MBOAT2: variants seen among roughly 807,000 people sequenced by gnomAD.
The protein encoded by MBOAT2 is membrane bound glycerophospholipid O-acyltransferase 2, also known as membrane-bound glycerophospholipid O-acyltransferase 2.
MBOAT2 carries 28 observed loss-of-function variants against 63.4 expected under a neutral mutation model. That is an observed-to-expected ratio of 0.44 (90% CI 0.33 to 0.61). The LOEUF is 0.61. Ranked by LOEUF, MBOAT2 falls within the 20% of genes least tolerant of loss-of-function variation. The probability of loss-of-function intolerance (pLI) is 0.03; values close to 1 mark genes in which losing one functional copy is unlikely to be tolerated. For synonymous variants in MBOAT2, 211 were observed against 215.6 expected, an observed-to-expected ratio of 0.98 and a Z score of 0.19; for missense variants, 470 against 605.8, an observed-to-expected ratio of 0.78 and a Z score of 2.35.
intron 2 of MBOAT2, among the ~76,000 whole-genome samples, chr2:8,947,826 G>A (rs1172020762): frequency 6.6e-6 from 1 of 152,228 alleles, no homozygotes; most frequent in Non-Finnish European, 1.5e-5. Context: ...GGAGATTAAT[G>A]TTGTTTCCAC....
At chr2:8,936,113 C>G (rs1667642953) in intron 3 of MBOAT2, among the ~76,000 whole-genome samples, 1 of 152,116 alleles carries the variant, frequency 6.6e-6, no homozygotes, top group South Asian at 2.1e-4. Flanking sequence ...TTTGGTACAC[C>G]CTTCTTTTGT....
intron 2 of MBOAT2, among the ~76,000 whole-genome samples, chr2:8,956,734 A>C (rs992812193): frequency 1.3e-5 from 2 of 152,178 alleles, no homozygotes; most frequent in Non-Finnish European, 2.9e-5. Context: ...GTTATCACAT[A>C]TAATTTGAAG....
At chr2:8,979,103 T>C (rs1311388424) in intron 1 of MBOAT2, among the ~76,000 whole-genome samples, 1 of 152,200 alleles carries the variant, frequency 6.6e-6, no homozygotes, top group Non-Finnish European at 1.5e-5. Flanking sequence ...CTCATTATCA[T>C]CAGATTTCCA....
intron 1 of MBOAT2, among the ~76,000 whole-genome samples, chr2:8,974,726 T>G (rs576532185): frequency 2.0e-5 from 3 of 152,168 alleles, no homozygotes; most frequent in Admixed American, 6.5e-5. Context: ...GATGATTTTT[T>G]AAAATAATAC....
rs1172692452 is a variant in MBOAT2, at chr2:8,868,373, C to A, written c.987+73G>T. On this transcript the variant is annotated intron_variant, in intron 9 of 12. Transcript: ENST00000305997. ...ACCTTCAATACCACTCCTAGGACAT[C>A]ACACCATAACTTATGAAAGCAAACT... The A allele has an allele frequency of 6.3e-6, 8 of 1,264,000 alleles. No homozygotes were observed. In the African/African-American group the frequency reaches 1.0e-4, roughly 17 times the overall value. 78.3% of individuals were successfully genotyped at this position (1,264,000 alleles called of 1,614,324 possible).
At chr2:8,937,816 G>A (rs187545183) in intron 3 of MBOAT2, among the ~76,000 whole-genome samples, 2 of 152,276 alleles carry the variant, frequency 1.3e-5, no homozygotes, top group African/African-American at 2.4e-5. Flanking sequence ...CATACCATGC[G>A]CCAGGCACTC....
chr2:8,883,548 T>C (rs1296631988), intron 5 of MBOAT2, among the ~76,000 whole-genome samples: 4 of 152,218 alleles, frequency 2.6e-5, no homozygotes, highest in Non-Finnish European at 5.9e-5. Context: ...CCTCAGGAAC[T>C]ATTCTATGCA....
chr2:8,937,092 C>G (rs540819361), intron 3 of MBOAT2, among the ~76,000 whole-genome samples: 5 of 152,272 alleles, frequency 3.3e-5, no homozygotes, highest in East Asian at 1.9e-4. Flanking sequence ...TCCCTGGGAA[C>G]AGAGAGAGTA....
At chr2:8,978,198 T>C (rs1190801642) in intron 1 of MBOAT2, among the ~76,000 whole-genome samples, 1 of 152,100 alleles carries the variant, frequency 6.6e-6, no homozygotes, top group Non-Finnish European at 1.5e-5. Flanking sequence ...TCACTGGCTA[T>C]ATTCCAATAT....
intron 3 of MBOAT2, among the ~76,000 whole-genome samples, chr2:8,938,604 T>TGTTTCATGCTGCCAC (rs1667830285): frequency 6.6e-6 from 1 of 151,776 alleles, no homozygotes. Context: ...CATGCCACCG[T>TGTTTCATGCTGCCAC]GTTTCATGCT....
rs200533077 is a variant in MBOAT2 at position 8,904,309 on chromosome 2, A to AT, written c.395+4311dup. Among the ~76,000 whole-genome samples, 13 of 137,188 alleles carry AT rather than the reference A, an allele frequency of 9.5e-5. No individual in the cohort carries two copies. In the East Asian group the frequency reaches 2.2e-3, roughly 24 times the overall value. The allele number at this position is 137,188 out of a possible 152,430, so 90.0% of individuals were successfully genotyped here. A position where few individuals can be genotyped will look rare whatever the true frequency, so the allele number is the denominator to read the frequency against. Reference sequence around the variant, plus strand: ...CTTTATAATACTGAAGGTTGTTTTTATTTTTTATTTTTTTTTTTTTGAGAT... The same window carrying AT: ...CTTTATAATACTGAAGGTTGTTTTTATTTTTTTATTTTTTTTTTTTTGAGAT... On this transcript the variant is annotated intron_variant, in intron 4 of 12. Transcript: ENST00000305997.
intron 10 of MBOAT2, among the ~76,000 whole-genome samples, chr2:8,863,047 AT>A (rs1661600917): frequency 1.3e-5 from 2 of 152,152 alleles, no homozygotes. Context: ...ATCCTACATT[AT>A]TTTATTTAAA....
chr2:8,888,114 A>G (rs1663697999), intron 4 of MBOAT2, 41 bp from the exon 5 acceptor site: 1 of 1,546,668 alleles, frequency 6.5e-7, no homozygotes, highest in African/African-American at 1.4e-5. Flanking sequence ...AAAAGAAGAA[A>G]GTTAAAACAA....
In MBOAT2 at chr2:8,858,024, A is replaced by T. The variant is rs138133592; in HGVS notation, c.*655T>A. 334 of 152,674 alleles carry T rather than the reference A, an allele frequency of 2.2e-3. 2 individuals are homozygous for T. In the East Asian group the frequency reaches 0.032, roughly 14 times the overall value. The allele number at this position is 152,674 out of a possible 1,614,324, so 9.5% of individuals were successfully genotyped here. A position where few individuals can be genotyped will look rare whatever the true frequency, so the allele number is the denominator to read the frequency against. ...CTCTTTGACTGCACAAGGTAATTAAACTCTCCAGCAAAATCAGCTACCTAT... is the reference window on the plus strand; with the variant it reads ...CTCTTTGACTGCACAAGGTAATTAATCTCTCCAGCAAAATCAGCTACCTAT... On this transcript the variant is annotated 3_prime_UTR_variant, in exon 13 of 13. Coordinates refer to ENST00000305997, the MANE Select transcript of MBOAT2 (RefSeq NM_138799.4).
intron 11 of MBOAT2, chr2:8,860,987 G>A (rs1004414450): frequency 6.9e-6 from 2 of 290,630 alleles, no homozygotes; most frequent in South Asian, 7.2e-5. Flanking sequence ...GGGAGATGAG[G>A]AAGTAACAGG....
rs571186843 is a variant in MBOAT2 at position 8,994,291 on chromosome 2, C to T, written c.75+9249G>A. Among the ~76,000 whole-genome samples, 8 of 152,196 alleles carry T rather than the reference C, an allele frequency of 5.3e-5. No homozygotes were observed. The South Asian group carries it at 8.3e-4, about 16-fold the overall frequency. On this transcript the variant is annotated intron_variant, in intron 1 of 12. Transcript: ENST00000305997. Reference sequence around the variant, plus strand: ...TTATCAGAGTAGAATACAGTGAAAGCGGGGCATGATGGGACTGTTCGGAGG... The same window carrying T: ...TTATCAGAGTAGAATACAGTGAAAGTGGGGCATGATGGGACTGTTCGGAGG...
intron 4 of MBOAT2, among the ~76,000 whole-genome samples, chr2:8,907,178 C>T (rs1002613230): frequency 3.3e-5 from 5 of 152,192 alleles, no homozygotes; most frequent in African/African-American, 1.2e-4. Flanking sequence ...GTATTCAAAG[C>T]TCTTAATTTC....
chr2:8,958,645 G>A lies in MBOAT2; in HGVS notation c.76-3C>T. The A allele has an allele frequency of 6.4e-7, 1 of 1,552,170 alleles. No homozygotes were observed. Among genetic ancestry groups the A allele is most frequent in the Non-Finnish European group, 8.7e-7 (1 of 1,154,612 alleles). ...AGTTGGCACACTACAAAGTTGACCT[G>A]TAAAGAAAAATTAAAATTTTGTATT... is the stretch of plus-strand genomic sequence containing the variant. On this transcript the variant is annotated splice_polypyrimidine_tract_variant and splice_region_variant and intron_variant, in intron 1 of 12. Coordinates refer to ENST00000305997, the MANE Select transcript of MBOAT2 (RefSeq NM_138799.4).
chr2:8,870,988 G>A (rs1293427020), intron 8 of MBOAT2, among the ~76,000 whole-genome samples: 1 of 151,928 alleles, frequency 6.6e-6, no homozygotes, highest in Non-Finnish European at 1.5e-5. Context: ...AAAAATTAAT[G>A]ATAAATTTGG....
Sources: allele counts gnomAD v4.1 joint callset (sites outside exome capture counted in the v4.1 genomes callset), GRCh38; gene constraint gnomAD v4.1.1; transcripts MANE v1.5; gene names NCBI Gene and HGNC (gene_info 2026-07-23, HGNC 2026-07-21).